Variants in NEGR1 observed in about 807,000 individuals in gnomAD.
NEGR1 encodes IgLON family member 4.
Under a neutral mutation model 40.9 loss-of-function variants are expected in NEGR1, and 10 were observed. The ratio of observed to expected loss-of-function variants is 0.24; its 90% CI spans 0.15 to 0.42. The LOEUF (loss-of-function observed/expected upper bound fraction) is 0.42, where lower values mean the gene tolerates loss of function less well. NEGR1 is among the 10% of genes least tolerant of loss of function. The probability of loss-of-function intolerance (pLI) is 1.00; values close to 1 mark genes in which losing one functional copy is unlikely to be tolerated. For synonymous variants in NEGR1, 185 were observed against 166.8 expected (o/e 1.11, Z -0.84); for missense variants, 352 against 438.9 (o/e 0.80, Z 1.77).
intron 3 of NEGR1, among the ~76,000 whole-genome samples, chr1:71,704,521 G>T (rs1653820013): frequency 3.3e-5 from 5 of 151,694 alleles, no homozygotes. Context: ...CAAACTACTT[G>T]TCAATTAATT....
chr1:71,642,862 T>C (rs566521964), intron 4 of NEGR1, among the ~76,000 whole-genome samples: 1 of 152,126 alleles, frequency 6.6e-6, no homozygotes, highest in East Asian at 1.9e-4. Context: ...TCTTTCTTTT[T>C]CTGAGAGCTG....
At chr1:71,837,954 G>A (rs1171942571) in intron 2 of NEGR1, among the ~76,000 whole-genome samples, 1 of 151,960 alleles carries the variant, frequency 6.6e-6, no homozygotes, top group Non-Finnish European at 1.5e-5. Flanking sequence ...CTATATTAAT[G>A]CCAGATCTAA....
intron 6 of NEGR1, among the ~76,000 whole-genome samples, chr1:71,475,460 C>T (rs1025064074): frequency 6.6e-5 from 10 of 151,926 alleles, no homozygotes; most frequent in African/African-American, 2.2e-4. Context: ...GATAATAAAA[C>T]ATACTTGATA....
At chr1:71,928,441 T>TATATGTATACACATATGTATATATACAC (rs1557439325) in intron 2 of NEGR1, among the ~76,000 whole-genome samples, 1 of 121,136 alleles carries the variant, frequency 8.3e-6, no homozygotes, top group African/African-American at 2.9e-5. Context: ...TATATACACA[T>TATATGTATACACATATGTATATATACAC]ATATATGTAT....
intron 2 of NEGR1, among the ~76,000 whole-genome samples, chr1:71,886,509 G>A (rs1660728222): frequency 6.6e-6 from 1 of 151,504 alleles, no homozygotes; most frequent in Non-Finnish European, 1.5e-5. Context: ...GGAATTGAGG[G>A]TGAGGCAGAT....
intron 6 of NEGR1, among the ~76,000 whole-genome samples, chr1:71,450,258 G>T (rs572448405): frequency 6.6e-6 from 1 of 151,696 alleles, no homozygotes; most frequent in East Asian, 2.0e-4. Flanking sequence ...CAAAGTGCTG[G>T]GATTACAGGT....
intron 3 of NEGR1, among the ~76,000 whole-genome samples, chr1:71,706,964 T>C (rs1200794524): frequency 6.6e-6 from 1 of 151,856 alleles, no homozygotes; most frequent in Non-Finnish European, 1.5e-5. Context: ...CCACAACAAC[T>C]GTGAGGCATT....
chr1:71,493,741 A>G (rs1364824606), intron 6 of NEGR1, among the ~76,000 whole-genome samples: 2 of 152,128 alleles, frequency 1.3e-5, no homozygotes, highest in African/African-American at 4.8e-5. Context: ...TCATCAACCA[A>G]ATTCAAGTAT....
intron 3 of NEGR1, among the ~76,000 whole-genome samples, chr1:71,745,286 C>A (rs555461039): frequency 6.6e-6 from 1 of 152,272 alleles, no homozygotes; most frequent in East Asian, 1.9e-4. Flanking sequence ...TACTCTTTTT[C>A]CATCTATACA....
At chr1:71,748,584 C>T (rs546359783) in intron 3 of NEGR1, among the ~76,000 whole-genome samples, 35 of 152,012 alleles carry the variant, frequency 2.3e-4, no homozygotes, top group Non-Finnish European at 3.8e-4. Context: ...AGAGGTTATG[C>T]CCTTTGGTTT....
At chr1:71,719,787 C>T (rs1654439734) in intron 3 of NEGR1, among the ~76,000 whole-genome samples, 1 of 152,076 alleles carries the variant, frequency 6.6e-6, no homozygotes, top group African/African-American at 2.4e-5. Context: ...GGCCCCCACC[C>T]CCTGGCAGGC....
chr1:72,085,113 A>G (rs1179699313), intron 1 of NEGR1, among the ~76,000 whole-genome samples: 2 of 152,188 alleles, frequency 1.3e-5, no homozygotes, highest in Non-Finnish European at 2.9e-5. Flanking sequence ...AATCCAAGTG[A>G]TTACACCAGA....
chr1:71,986,908 A>AACTG (rs1479141571), intron 1 of NEGR1, among the ~76,000 whole-genome samples: 1 of 152,210 alleles, frequency 6.6e-6, no homozygotes, highest in Non-Finnish European at 1.5e-5. Flanking sequence ...TGCAGCAGGG[A>AACTG]ACTGTAGAAC....
rs1452624989 is a variant in NEGR1, at chr1:71,402,228, C to T, written c.*5218G>A. ...TCTCGTTTTCACCATCAATACATGA[C>T]AATAGTAATATTTTCTCCTTTAAGT... On this transcript the variant is annotated 3_prime_UTR_variant, in exon 7 of 7. Transcript: ENST00000357731. 3.9e-5 allele frequency: 6 copies of T among 152,062 alleles called. No individual in the cohort carries two copies. Among genetic ancestry groups the T allele is most frequent in the Non-Finnish European group, 8.8e-5 (6 of 68,014 alleles). 9.4% of individuals were successfully genotyped at this position (152,062 alleles called of 1,614,324 possible).
intron 1 of NEGR1, among the ~76,000 whole-genome samples, chr1:72,205,986 A>G (rs1653385441): frequency 6.6e-6 from 1 of 150,380 alleles, no homozygotes; most frequent in Non-Finnish European, 1.5e-5. Flanking sequence ...GAGAATATCT[A>G]GTATGTGTCA....
intron 2 of NEGR1, among the ~76,000 whole-genome samples, chr1:71,806,866 T>C (rs1298636494): frequency 6.6e-6 from 1 of 151,440 alleles, no homozygotes; most frequent in Non-Finnish European, 1.5e-5. Context: ...CAAACTTAAG[T>C]ACTGCGCAAA....
At chr1:71,911,545 C>A (rs1436462134) in intron 2 of NEGR1, among the ~76,000 whole-genome samples, 5 of 152,096 alleles carry the variant, frequency 3.3e-5, no homozygotes, top group South Asian at 2.1e-4. Flanking sequence ...GGATTCTAAG[C>A]CCCATGAGAA....
intron 6 of NEGR1, among the ~76,000 whole-genome samples, chr1:71,491,294 A>T (rs1646926018): frequency 6.6e-6 from 1 of 152,082 alleles, no homozygotes; most frequent in African/African-American, 2.4e-5. Flanking sequence ...ACCACTTTAC[A>T]TCAGGGACTT....
At chr1:72,163,019 A>AC (rs1651634911) in intron 1 of NEGR1, among the ~76,000 whole-genome samples, 1 of 152,044 alleles carries the variant, frequency 6.6e-6, no homozygotes, top group Non-Finnish European at 1.5e-5. Flanking sequence ...AAAAAAATAG[A>AC]TTTAGGTTAT....
Sources: gnomAD v4.1 joint callset for allele counts (sites outside exome capture counted in the v4.1 genomes callset) on GRCh38, gnomAD v4.1.1 for gene constraint, MANE v1.5 for transcripts, NCBI Gene and HGNC (gene_info 2026-07-23, HGNC 2026-07-21) for gene names.